FRK: variants seen among roughly 807,000 people sequenced by gnomAD.
FRK encodes the protein tyrosine-protein kinase FRK.
In FRK, 51 loss-of-function variants were observed where a neutral mutation model predicts 56.4. The ratio of observed to expected loss-of-function variants is 0.90; its 90% confidence interval spans 0.72 to 1.14. The LOEUF (loss-of-function observed/expected upper bound fraction) is 1.14. Among genes scored for constraint, FRK ranks in the 50% most tolerant of loss-of-function variants. The pLI, the probability that FRK is intolerant of heterozygous loss-of-function variation, is 0.00. For missense variants in FRK, 570 were observed against 601.4 expected (o/e 0.95, Z 0.55); for synonymous variants, 245 against 217.9 (o/e 1.12, Z -1.10).
chr6:115,952,864 T>C (rs1216677018), intron 5 of FRK, among the ~76,000 whole-genome samples: 1 of 139,442 alleles, frequency 7.2e-6, no homozygotes, highest in Non-Finnish European at 1.5e-5. Context: ...TAGGTGGGAA[T>C]TGAACAATGA....
rs1562257394 is a variant in FRK at position 115,958,703 on chromosome 6, A to AGAAAGAAAGAAAGAAG, written c.800-2094_800-2093insCTTCTTTCTTTCTTTC. Among the ~76,000 whole-genome samples, 13 of 4,738 alleles carry AGAAAGAAAGAAAGAAG rather than the reference A, an allele frequency of 2.7e-3. 1 individual carries two copies. The highest frequency in any genetic ancestry group is 7.6e-3 in the African/African-American group (12 of 1,572). 3.1% of individuals were successfully genotyped at this position (4,738 alleles called of 152,430 possible). On this transcript the variant is annotated intron_variant, in intron 4 of 7. Transcript: ENST00000606080. Reference sequence around the variant, plus strand: ...AAGAAAGAAAGAAAGAAAGAAAGAAAGAAGAAAGAAAGAAAGAAAGAAAGA... The same window carrying AGAAAGAAAGAAAGAAG: ...AAGAAAGAAAGAAAGAAAGAAAGAAAGAAAGAAAGAAAGAAGGAAGAAAGAAAGAAAGAAAGAAAGA...
chr6:116,024,089 C>CAT (rs1775983137), intron 1 of FRK, among the ~76,000 whole-genome samples: 1 of 151,648 alleles, frequency 6.6e-6, no homozygotes, highest in African/African-American at 2.4e-5. Flanking sequence ...CACACACACA[C>CAT]ACACACACAC....
At position 115,994,338 on chromosome 6, in the gene FRK, C is replaced by T. The variant is rs372380547; in HGVS notation, c.466+9539G>A. 1.5e-3 allele frequency among the ~76,000 whole-genome samples: 138 copies of T among 91,678 alleles called. 6 individuals carry two copies. The highest frequency in any genetic ancestry group is 2.0e-3 in the Admixed American group (14 of 7,150). 60.1% of individuals were successfully genotyped at this position (91,678 alleles called of 152,430 possible). A position where few individuals can be genotyped will look rare whatever the true frequency, so the allele number is the denominator to read the frequency against. Reference sequence around the variant, plus strand: ...ATCTCACAACCTCCCCCCCCCCCGCCTTTTTTTTGTCATTATACTCATCTT... The same window carrying T: ...ATCTCACAACCTCCCCCCCCCCCGCTTTTTTTTTGTCATTATACTCATCTT... On this transcript the variant is annotated intron_variant, in intron 2 of 7. Coordinates refer to ENST00000606080, the MANE Select transcript of FRK (RefSeq NM_002031.3).
At chr6:116,057,082 C>T (rs1028756121) in intron 1 of FRK, among the ~76,000 whole-genome samples, 2 of 152,150 alleles carry the variant, frequency 1.3e-5, no homozygotes, top group Non-Finnish European at 2.9e-5. Flanking sequence ...CTTACAGATG[C>T]ACATCAAAAG....
the FRK span, among the ~76,000 whole-genome samples, chr6:116,067,641 C>T: frequency 6.6e-6 from 1 of 152,114 alleles, no homozygotes; most frequent in East Asian, 1.9e-4. Flanking sequence ...GCAGTAGATA[C>T]AAAGACACTG....
chr6:116,030,638 G>T (rs576271359), intron 1 of FRK, among the ~76,000 whole-genome samples: 4 of 152,128 alleles, frequency 2.6e-5, no homozygotes, highest in Non-Finnish European at 5.9e-5. Flanking sequence ...TGTCTGGAGG[G>T]TAGTGCATTT....
rs540579731 is a variant in FRK at position 116,024,656 on chromosome 6, A to G, written c.345-20658T>C. 7.2e-5 allele frequency among the ~76,000 whole-genome samples: 11 copies of G among 152,166 alleles called. No individual in the cohort carries two copies. In the East Asian group the frequency reaches 1.9e-3, roughly 27 times the overall value. On this transcript the variant is annotated intron_variant, in intron 1 of 7. Coordinates refer to ENST00000606080, the MANE Select transcript of FRK (RefSeq NM_002031.3). ...TATATGTGCCACATTTTCTTAATCC[A>G]GTCTATCATTGTTGGACATTTGGGT...
intron 1 of FRK, among the ~76,000 whole-genome samples, chr6:116,038,152 G>A (rs1054694867): frequency 6.6e-6 from 1 of 152,108 alleles, no homozygotes; most frequent in East Asian, 1.9e-4. Flanking sequence ...GAGGTTTCTG[G>A]CCAACATTCA....
intron 5 of FRK, among the ~76,000 whole-genome samples, chr6:115,950,470 T>A (rs889389892): frequency 5.3e-5 from 8 of 152,228 alleles, no homozygotes; most frequent in Non-Finnish European, 1.2e-4. Flanking sequence ...CACAATGAGA[T>A]AGCATGTCAT....
chr6:115,942,645 AC>A lies in FRK; in HGVS notation c.1307-21del, dbSNP rs945556462. 3.8e-6 allele frequency: 6 copies of A among 1,585,818 alleles called. No homozygotes were observed. In the African/African-American group the frequency reaches 8.1e-5, roughly 21 times the overall value. The stretch of plus-strand genomic sequence containing the variant: ...TCATACCTTGAAAATACAGAACGAA[AC>A]CAACAACAACAAAAAAAACAAGTTA... On this transcript the variant is annotated intron_variant, in intron 7 of 7. Transcript: ENST00000606080.
At chr6:116,082,259 T>C in the FRK span, among the ~76,000 whole-genome samples, 3 of 152,174 alleles carry the variant, frequency 2.0e-5, no homozygotes, top group African/African-American at 7.2e-5. Context: ...GTACACCTTG[T>C]TGCACCATGA....
chr6:116,064,100 C>G (rs531039490), upstream of FRK, among the ~76,000 whole-genome samples: 28 of 152,200 alleles, frequency 1.8e-4, no homozygotes, highest in Non-Finnish European at 3.4e-4. Context: ...CTAACTTCTC[C>G]AATCATGGTT....
At chr6:115,968,121 G>T (rs1362609069) in intron 3 of FRK, among the ~76,000 whole-genome samples, 1 of 151,830 alleles carries the variant, frequency 6.6e-6, no homozygotes, top group East Asian at 1.9e-4. Context: ...ACCTATTTTT[G>T]CATAATTAAA....
At chr6:115,960,326 GC>G (rs1468153889) in intron 4 of FRK, among the ~76,000 whole-genome samples, 2 of 151,274 alleles carry the variant, frequency 1.3e-5, no homozygotes, top group African/African-American at 4.9e-5. Flanking sequence ...CGAATATTGC[GC>G]TTTTCAGACC....
chr6:116,089,389 A>T, the FRK span, among the ~76,000 whole-genome samples: 1 of 152,150 alleles, frequency 6.6e-6, no homozygotes, highest in Non-Finnish European at 1.5e-5. Context: ...CCCAAAATGA[A>T]CTCTAGACTC....
chr6:115,970,346 G>C (rs1326609570), intron 2 of FRK, among the ~76,000 whole-genome samples: 7 of 152,102 alleles, frequency 4.6e-5, no homozygotes, highest in Middle Eastern at 3.2e-3. Context: ...ATCAATAAAA[G>C]TGCACAATAT....
At chr6:116,044,947 CAGAG>C (rs1776880398) in intron 1 of FRK, among the ~76,000 whole-genome samples, 1 of 152,104 alleles carries the variant, frequency 6.6e-6, no homozygotes, top group Non-Finnish European at 1.5e-5. Context: ...AACAGACAAA[CAGAG>C]AGCCAAATCA....
At chr6:115,970,498 A>G (rs1453334242) in intron 2 of FRK, among the ~76,000 whole-genome samples, 1 of 152,244 alleles carries the variant, frequency 6.6e-6, no homozygotes, top group Non-Finnish European at 1.5e-5. Flanking sequence ...AATTAGCTAA[A>G]AAATTGTCAT....
intron 5 of FRK, among the ~76,000 whole-genome samples, chr6:115,945,757 C>A (rs1298131125): frequency 6.6e-6 from 1 of 152,092 alleles, no homozygotes; most frequent in Non-Finnish European, 1.5e-5. Flanking sequence ...TATTTTATTT[C>A]TCTGCCTTAG....
Sources: allele counts gnomAD v4.1 joint callset (sites outside exome capture counted in the v4.1 genomes callset), GRCh38; gene constraint gnomAD v4.1.1; transcripts MANE v1.5; gene names NCBI Gene and HGNC (gene_info 2026-07-23, HGNC 2026-07-21).